The following DNAJC24 variants were observed in gnomAD, a reference collection of about 807,000 sequenced individuals.
DNAJC24 encodes DnaJ heat shock protein family (Hsp40) member C24.
In DNAJC24, 17 loss-of-function variants were observed where a neutral mutation model predicts 18.0. The observed-to-expected ratio is 0.94, with a 90% CI of 0.65 to 1.42. DNAJC24 has a LOEUF of 1.42. Ranked by LOEUF, DNAJC24 falls within the 40% of genes most tolerant of loss-of-function variation. The pLI is 0.00. For synonymous variants in DNAJC24, 55 were observed against 57.7 expected (o/e 0.95, Z 0.21); for missense variants, 158 against 175.6 (o/e 0.90, Z 0.57).
intron 2 of DNAJC24, among the ~76,000 whole-genome samples, 163 bp from the exon 3 acceptor site, chr11:31,414,648 G>A (rs191746647): frequency 1.8e-4 from 27 of 152,298 alleles, no homozygotes; most frequent in African/African-American, 5.3e-4. Context: ...TAATTAACCT[G>A]GCAGTTGTCT....
Position 31,432,440 on chromosome 11 carries a change from C to T in DNAJC24, c.*2039C>T, listed in dbSNP as rs1029671042. 2.3e-5 allele frequency: 27 copies of T among 1,153,544 alleles called. No individual in the cohort carries two copies. Among genetic ancestry groups the T allele is most frequent in the African/African-American group, 1.8e-4 (12 of 65,790 alleles). The allele number at this position is 1,153,544 out of a possible 1,614,324, so 71.5% of individuals were successfully genotyped here. A position where few individuals can be genotyped will look rare whatever the true frequency, so the allele number is the denominator to read the frequency against. On this transcript the variant is annotated 3_prime_UTR_variant, in exon 5 of 5. Transcript: ENST00000465995. ...TTTATTGGTAAGTACACGGTTTCAACGGGAGTAATAAATTCACATGAAAAG... is the reference window on the plus strand; with the variant it reads ...TTTATTGGTAAGTACACGGTTTCAATGGGAGTAATAAATTCACATGAAAAG...
chr11:31,423,076 AT>A (rs763967295), intron 3 of DNAJC24, among the ~76,000 whole-genome samples: 14 of 152,150 alleles, frequency 9.2e-5, no homozygotes, highest in Non-Finnish European at 1.8e-4. Context: ...ACTTTCTTGA[AT>A]TTCTTCTTTC....
chr11:31,388,295 T>C (rs1028351398), intron 2 of DNAJC24, among the ~76,000 whole-genome samples: 14 of 152,136 alleles, frequency 9.2e-5, no homozygotes, highest in African/African-American at 2.9e-4. Context: ...TTAACCGAAA[T>C]AAGACTACCT....
At chr11:31,398,819 C>G (rs911955712) in intron 2 of DNAJC24, among the ~76,000 whole-genome samples, 4 of 152,148 alleles carry the variant, frequency 2.6e-5, no homozygotes, top group Admixed American at 6.5e-5. Flanking sequence ...AGGAGAGCCC[C>G]TCTATAGGAT....
intron 2 of DNAJC24, among the ~76,000 whole-genome samples, chr11:31,391,529 G>A (rs1222363959): frequency 6.6e-6 from 1 of 152,210 alleles, no homozygotes; most frequent in Non-Finnish European, 1.5e-5. Context: ...TTGATCATCA[G>A]TGAAATAAAA....
intron 2 of DNAJC24, among the ~76,000 whole-genome samples, chr11:31,413,451 C>T (rs1952727238): frequency 1.3e-5 from 2 of 151,600 alleles, no homozygotes; most frequent in African/African-American, 4.8e-5. Context: ...CTGCCTCAGC[C>T]TCCTGAGTAG....
At position 31,370,863 on chromosome 11, in the gene DNAJC24, A is replaced by C. The variant is rs754872831; in HGVS notation, c.111+4A>C. ...ATATCAAAAACTCATATTAATGGTAAGTCTTTTCTTTCAGATTTTAAATCA... is the reference window on the plus strand; with the variant it reads ...ATATCAAAAACTCATATTAATGGTACGTCTTTTCTTTCAGATTTTAAATCA... On this transcript the variant is annotated splice_donor_region_variant and intron_variant, in intron 2 of 4. Transcript: ENST00000465995. The C allele has an allele frequency of 1.9e-6, 3 of 1,547,924 alleles. No homozygotes were observed. Among genetic ancestry groups the C allele is most frequent in the Non-Finnish European group, 2.6e-6 (3 of 1,133,282 alleles).
chr11:31,372,993 G>T lies in DNAJC24; in HGVS notation c.111+2134G>T, dbSNP rs192429801. Among the ~76,000 whole-genome samples the T allele has an allele frequency of 3.1e-4, 42 of 134,474 alleles. 4 individuals are homozygous for T. The East Asian group carries it at 6.4e-3, about 21-fold the overall frequency. The allele number at this position is 134,474 out of a possible 152,430, so 88.2% of individuals were successfully genotyped here. ...GTTGTTGCTTTTTTAAAATTTATCT[G>T]ATGACTAATGATGTTGAGCCCTTTT... On this transcript the variant is annotated intron_variant, in intron 2 of 4. Transcript: ENST00000465995.
intron 2 of DNAJC24, among the ~76,000 whole-genome samples, chr11:31,397,962 C>T (rs1431533666): frequency 2.0e-5 from 3 of 151,988 alleles, no homozygotes; most frequent in African/African-American, 7.3e-5. Flanking sequence ...GCCACCATGC[C>T]CAGCTAATTT....
chr11:31,416,936 C>T (rs1041267652), intron 3 of DNAJC24: 2 of 152,088 alleles, frequency 1.3e-5, no homozygotes, highest in Non-Finnish European at 2.9e-5. Context: ...CACCTGTGGC[C>T]TACTGTGTCA....
At chr11:31,389,605 A>G (rs915488907) in intron 2 of DNAJC24, among the ~76,000 whole-genome samples, 21 of 152,226 alleles carry the variant, frequency 1.4e-4, no homozygotes, top group Non-Finnish European at 2.8e-4. Flanking sequence ...CAGATCTTCC[A>G]GACAGAAAAT....
intron 3 of DNAJC24, chr11:31,416,883 T>A (rs904175080): frequency 6.6e-6 from 1 of 152,160 alleles, no homozygotes; most frequent in Non-Finnish European, 1.5e-5. Flanking sequence ...AACTGCGGAT[T>A]TCTTTTGAGC....
chr11:31,393,742 C>G (rs1338174006), intron 2 of DNAJC24, among the ~76,000 whole-genome samples: 1 of 152,116 alleles, frequency 6.6e-6, no homozygotes, highest in Non-Finnish European at 1.5e-5. Flanking sequence ...ATAAATTACC[C>G]AGTCTCAGAT....
At chr11:31,401,160 A>G (rs1402184253) in intron 2 of DNAJC24, among the ~76,000 whole-genome samples, 1 of 152,236 alleles carries the variant, frequency 6.6e-6, no homozygotes, top group South Asian at 2.1e-4. Flanking sequence ...TGAAATGCAA[A>G]TCAAAACCAG....
chr11:31,415,721 C>T (rs1244835485), intron 3 of DNAJC24: 1 of 152,182 alleles, frequency 6.6e-6, no homozygotes, highest in Non-Finnish European at 1.5e-5. Flanking sequence ...GGGGAAAACA[C>T]TCAGTCGCTC....
At chr11:31,388,146 G>C (rs1022021135) in intron 2 of DNAJC24, among the ~76,000 whole-genome samples, 1 of 152,140 alleles carries the variant, frequency 6.6e-6, no homozygotes, top group African/African-American at 2.4e-5. Context: ...GCAAATCTAA[G>C]AGTTATTAAA....
chr11:31,401,040 C>T (rs577232960), intron 2 of DNAJC24, among the ~76,000 whole-genome samples: 3 of 152,114 alleles, frequency 2.0e-5, no homozygotes, highest in Non-Finnish European at 4.4e-5. Context: ...AAGAAAAAAA[C>T]AAACAGCCCC....
intron 2 of DNAJC24, among the ~76,000 whole-genome samples, chr11:31,402,663 C>T (rs968538527): frequency 2.0e-5 from 3 of 152,040 alleles, no homozygotes; most frequent in African/African-American, 7.2e-5. Context: ...CGTGTGCCAC[C>T]ATGCCTAGCT....
At chr11:31,414,978 A>AC (rs1172695981) in intron 3 of DNAJC24, 29 bp downstream of exon 3, 1 of 1,606,668 alleles carries the variant, frequency 6.2e-7, no homozygotes, top group Non-Finnish European at 8.5e-7. Flanking sequence ...GAGCCACAGC[A>AC]CATCGGCAAC....
Sources: gnomAD v4.1 joint callset for allele counts (sites outside exome capture counted in the v4.1 genomes callset) on GRCh38, gnomAD v4.1.1 for gene constraint, MANE v1.5 for transcripts, NCBI Gene and HGNC (gene_info 2026-07-23, HGNC 2026-07-21) for gene names.